C9orf72: variants seen among roughly 807,000 people sequenced by gnomAD.
C9orf72 encodes the protein guanine nucleotide exchange factor C9orf72.
A neutral mutation model predicts 51.6 loss-of-function variants in C9orf72; 44 were observed. The observed-to-expected ratio is 0.85, with a 90% confidence interval of 0.67 to 1.10. C9orf72 has a LOEUF of 1.10. C9orf72 is among the 50% of genes least tolerant of loss of function. C9orf72 has a pLI of 0.00. For synonymous variants in C9orf72, 213 were observed against 194.2 expected (o/e 1.10, Z -0.81); for missense variants, 607 against 570.6 (o/e 1.06, Z -0.65).
rs1819635125 is a variant in C9orf72, at chr9:27,573,425, A to C, written c.-45+6T>G. On this transcript the variant is annotated splice_donor_region_variant and intron_variant, in intron 1 of 10. Transcript: ENST00000380003. ...CCACCCGCCAGGATGCCGCCTCCTC[A>C]CTCACCCACTCGCCACCGCCTGCGC... 6.7e-6 allele frequency: 1 copy of C among 148,520 alleles called. No individual in the cohort carries two copies. Among genetic ancestry groups the C allele is most frequent in the African/African-American group, 2.5e-5 (1 of 39,930 alleles). The allele number at this position is 148,520 out of a possible 1,614,324, so 9.2% of individuals were successfully genotyped here.
Position 27,556,586 on chromosome 9 carries a change from T to C in C9orf72, c.1066A>G (p.Thr356Ala). 6.2e-7 allele frequency: 1 copy of C among 1,613,524 alleles called. No individual in the cohort carries two copies. The highest frequency in any genetic ancestry group is 8.5e-7 in the Non-Finnish European group (1 of 1,179,460). ...AAATCAGGAGTAAAGCTTTCGTCAG[T>C]GTAGATGATCGTATCCTGAGCCATG... ...EDMAQDTIIY[T>A]DESFTPDLNI... The change falls in exon 8 of 11, where the codon ACT (threonine) becomes GCT (alanine). Residue 356 changes from threonine to alanine, a missense_variant. Transcript: ENST00000380003.
At position 27,548,571 on chromosome 9, in the gene C9orf72, A is replaced by G. The variant is rs767903441; in HGVS notation, c.1245T>C (p.Tyr415=). The change falls in exon 10 of 11, where the codon TAT becomes TAC. Residue 415 remains tyrosine, a synonymous_variant. Transcript: ENST00000380003. ...GTTTTACTCACGTATCGTCTTCTAT[A>G]TATTTTATTAGTGTCAAGGCTTTTC... The part of the protein sequence containing the change: ...LHRKALTLIK[Y]IEDDTQKGKK... 8.2e-6 allele frequency: 13 copies of G among 1,591,724 alleles called. No individual in the cohort carries two copies. The highest frequency in any genetic ancestry group is 5.0e-5 in the Admixed American group (3 of 59,930).
At chr9:27,564,264 C>T (rs1260329930) in intron 3 of C9orf72, among the ~76,000 whole-genome samples, 2 of 151,202 alleles carry the variant, frequency 1.3e-5, no homozygotes, top group African/African-American at 4.9e-5. Context: ...ACTTGAACTT[C>T]TCAGCAGTAA....
rs919908666 is a variant in C9orf72 at position 27,546,741 on chromosome 9, A to G, written c.*1495T>C. The G allele has an allele frequency of 2.6e-5, 4 of 152,218 alleles. No homozygotes were observed. In the East Asian group the frequency reaches 7.7e-4, roughly 29 times the overall value. The allele number at this position is 152,218 out of a possible 1,614,324, so 9.4% of individuals were successfully genotyped here. ...TGTAAAAAACACAGTATGGGACACT[A>G]CAAGGTAGTATTTATATATTTTTTA... is the stretch of plus-strand genomic sequence containing the variant. On this transcript the variant is annotated 3_prime_UTR_variant, in exon 11 of 11. Transcript: ENST00000380003.
chr9:27,567,215 T>C (rs770434469), intron 1 of C9orf72, 51 bp from the exon 2 acceptor site: 31 of 1,114,720 alleles, frequency 2.8e-5, no homozygotes, highest in Non-Finnish European at 3.8e-5. Flanking sequence ...TTTAAAGATA[T>C]CCATCAAAAC....
In C9orf72 at chr9:27,561,571, A is replaced by C. The variant is rs760292121; in HGVS notation, c.665+14T>G. On this transcript the variant is annotated intron_variant, in intron 5 of 10. Transcript: ENST00000380003. ...TCTGCTTCATCCAGCTTTTATGAAA[A>C]GAAAAATTCTTACTTGAGAAGAAAG... is the stretch of plus-strand genomic sequence containing the variant. 1 of 1,611,876 alleles carries C rather than the reference A, an allele frequency of 6.2e-7. No homozygotes were observed. Among genetic ancestry groups the C allele is most frequent in the Non-Finnish European group, 8.5e-7 (1 of 1,178,876 alleles).
At chr9:27,570,217 G>A (rs760905700) in intron 1 of C9orf72, among the ~76,000 whole-genome samples, 1 of 152,156 alleles carries the variant, frequency 6.6e-6, no homozygotes, top group Non-Finnish European at 1.5e-5. Flanking sequence ...TAAGCAGTCA[G>A]TTTACAATGA....
At chr9:27,549,579 T>TGATCC (rs1362111038) in intron 9 of C9orf72, among the ~76,000 whole-genome samples, 2 of 152,068 alleles carry the variant, frequency 1.3e-5, no homozygotes, top group African/African-American at 4.8e-5. Flanking sequence ...TTTCCTGGCC[T>TGATCC]GATCCCCAGA....
At chr9:27,573,560 C>T (rs995354252), upstream of C9orf72, 6 of 89,540 alleles carry the variant, frequency 6.7e-5, no homozygotes, top group Non-Finnish European at 9.7e-5. Flanking sequence ...CGCGCGACTC[C>T]TGAGTTCCAG....
intron 3 of C9orf72, among the ~76,000 whole-genome samples, chr9:27,564,884 G>A (rs1011539068): frequency 2.0e-5 from 3 of 152,080 alleles, no homozygotes; most frequent in Non-Finnish European, 2.9e-5. Flanking sequence ...GCTTTACAGT[G>A]AAATAGTCTG....
intron 7 of C9orf72, 134 bp from the exon 8 acceptor site, chr9:27,556,930 G>A (rs1819216331): frequency 3.1e-6 from 2 of 637,182 alleles, no homozygotes; most frequent in Admixed American, 5.6e-5. Flanking sequence ...ATTCATGAGT[G>A]TGTGCAAAGT....
chr9:27,552,438 T>C (rs898648892), intron 8 of C9orf72, among the ~76,000 whole-genome samples: 7 of 151,392 alleles, frequency 4.6e-5, no homozygotes, highest in Non-Finnish European at 1.0e-4. Context: ...AACCTCTGCC[T>C]CCCGGGCTCA....
upstream of C9orf72, chr9:27,573,511 C>CA (rs1819641097): frequency 1.2e-4 from 8 of 69,406 alleles, no homozygotes; most frequent in Admixed American, 3.3e-4. Flanking sequence ...GCCCCCGGGC[C>CA]CGCCCCGACC....
intron 5 of C9orf72, 90 bp downstream of exon 5, chr9:27,561,495 T>TCTAA: frequency 6.4e-7 from 1 of 1,559,920 alleles, no homozygotes. Flanking sequence ...AAGTAGACAG[T>TCTAA]CTGTTATTTT....
At chr9:27,573,763 G>C (rs906878057), upstream of C9orf72, 1 of 152,308 alleles carries the variant, frequency 6.6e-6, no homozygotes, top group Non-Finnish European at 1.5e-5. Flanking sequence ...AGAAGCAACC[G>C]GGCAGCAGGG....
At chr9:27,561,377 C>T (rs1185186931) in intron 5 of C9orf72, 1 of 1,295,188 alleles carries the variant, frequency 7.7e-7, no homozygotes, top group Non-Finnish European at 9.8e-7. Flanking sequence ...AACTCGGTTT[C>T]TTTAAATAGC....
chr9:27,573,613 T>C (rs1819651123), upstream of C9orf72: 1 of 149,756 alleles, frequency 6.7e-6, no homozygotes, highest in Non-Finnish European at 1.5e-5. Context: ...TGTTTTCTTC[T>C]GGTTAATCTT....
rs1232907047 is a variant in C9orf72 at position 27,560,237 on chromosome 9, T to C, written c.728A>G (p.Lys243Arg). Residue 243 changes from lysine to arginine, a missense_variant, in exon 6 of 11, where the codon AAA (lysine) becomes AGA (arginine). Coordinates refer to ENST00000380003, the MANE Select transcript of C9orf72 (RefSeq NM_018325.5). Reference protein sequence around the residue: ...CSVVVGSSAEKVNKIVRTLCL... With the variant: ...CSVVVGSSAERVNKIVRTLCL... ...TATAAAATAAACTACCTTATTTACTTTCTCTGCACTGCTACCTACTACAAC... is the reference window on the plus strand; with the variant it reads ...TATAAAATAAACTACCTTATTTACTCTCTCTGCACTGCTACCTACTACAAC... 1 of 1,604,292 alleles carries C rather than the reference T, an allele frequency of 6.2e-7. No homozygotes were observed. Among genetic ancestry groups the C allele is most frequent in the Non-Finnish European group, 8.5e-7 (1 of 1,174,562 alleles).
At chr9:27,565,477 T>C (rs559214252) in intron 3 of C9orf72, 54 bp downstream of exon 3, 63 of 1,206,656 alleles carry the variant, frequency 5.2e-5, no homozygotes, top group South Asian at 3.6e-4. Context: ...CCATCAACCT[T>C]ATACAGATAC....
Sources: gnomAD v4.1 joint callset for allele counts (sites outside exome capture counted in the v4.1 genomes callset) on GRCh38, gnomAD v4.1.1 for gene constraint, MANE v1.5 for transcripts, NCBI Gene and HGNC (gene_info 2026-07-23, HGNC 2026-07-21) for gene names.